Variants in PHF14 observed in about 807,000 individuals in gnomAD.
PHF14 encodes PHD finger protein 14.
PHF14 carries 55 observed loss-of-function variants against 117.9 expected under a neutral mutation model. The ratio of observed to expected loss-of-function variants is 0.47; its 90% CI spans 0.38 to 0.58. The LOEUF is 0.58. Among genes scored for constraint, PHF14 ranks in the 20% least tolerant of loss-of-function variants. PHF14 has a pLI of 0.00. For synonymous variants in PHF14, 409 were observed against 368.6 expected, an observed-to-expected ratio of 1.11 and a Z score of -1.26; for missense variants, 978 against 1,122.2, an observed-to-expected ratio of 0.87 and a Z score of 1.84.
At chr7:11,013,382 G>A (rs1452853833) in intron 4 of PHF14, among the ~76,000 whole-genome samples, 2 of 151,980 alleles carry the variant, frequency 1.3e-5, no homozygotes, top group African/African-American at 4.8e-5. Context: ...GGCTGGTCTC[G>A]AACTCCTCAC....
At chr7:11,018,121 G>C (rs1313039903) in intron 5 of PHF14, among the ~76,000 whole-genome samples, 2 of 152,066 alleles carry the variant, frequency 1.3e-5, no homozygotes, top group South Asian at 4.2e-4. Context: ...TTTGTTCTGT[G>C]TATTTGTTTT....
intron 16 of PHF14, among the ~76,000 whole-genome samples, chr7:11,099,014 T>C (rs1486430822): frequency 6.6e-6 from 1 of 152,194 alleles, no homozygotes; most frequent in African/African-American, 2.4e-5. Context: ...ATTTCAAAAA[T>C]GCTTTTCTAT....
At chr7:11,030,044 G>GAT (rs796098075) in intron 7 of PHF14, among the ~76,000 whole-genome samples, 17 of 151,788 alleles carry the variant, frequency 1.1e-4, no homozygotes, top group African/African-American at 4.1e-4. Flanking sequence ...AGCTGTTTTT[G>GAT]ATACATATAG....
chr7:11,109,615 T>TAA (rs1787376573), intron 16 of PHF14: 1 of 151,922 alleles, frequency 6.6e-6, no homozygotes, highest in Non-Finnish European at 1.5e-5. Context: ...TAATGAAAGG[T>TAA]AAATATGTTG....
At chr7:10,979,882 G>A (rs1051224808) in intron 2 of PHF14, among the ~76,000 whole-genome samples, 4 of 152,058 alleles carry the variant, frequency 2.6e-5, no homozygotes, top group Non-Finnish European at 4.4e-5. Context: ...TATATTTGGA[G>A]AATGAGGGGT....
intron 17 of PHF14, among the ~76,000 whole-genome samples, chr7:11,165,072 C>A (rs1789163163): frequency 6.6e-6 from 1 of 152,080 alleles, no homozygotes; most frequent in African/African-American, 2.4e-5. Context: ...CTATAGGCGC[C>A]CGCCACCACA....
chr7:11,103,419 A>C, intron 16 of PHF14: 1 of 981,892 alleles, frequency 1.0e-6, no homozygotes, highest in Non-Finnish European at 1.2e-6. Context: ...TACCAGCTGA[A>C]AGAAAGATCT....
chr7:11,023,992 C>T (rs1418426597), intron 6 of PHF14, among the ~76,000 whole-genome samples: 2 of 152,124 alleles, frequency 1.3e-5, no homozygotes, highest in Non-Finnish European at 2.9e-5. Flanking sequence ...AAAAGCTGGG[C>T]CTCTTCTGCC....
chr7:11,006,903 G>T, intron 4 of PHF14: 1 of 507,646 alleles, frequency 2.0e-6, no homozygotes, highest in Admixed American at 2.4e-5. Context: ...GTCCTGGCGC[G>T]GTGGCTCACA....
At chr7:11,009,672 C>T (rs996979744) in intron 4 of PHF14, among the ~76,000 whole-genome samples, 3 of 152,172 alleles carry the variant, frequency 2.0e-5, no homozygotes, top group African/African-American at 7.2e-5. Context: ...GTAAACCCAA[C>T]AGGTATGACA....
intron 5 of PHF14, among the ~76,000 whole-genome samples, chr7:11,017,823 C>T (rs1015335296): frequency 3.3e-5 from 5 of 152,030 alleles, no homozygotes; most frequent in South Asian, 2.1e-4. Context: ...TGTGGAGTTT[C>T]GCTCAAGAAA....
chr7:11,072,892 C>G (rs1050611749), intron 16 of PHF14, among the ~76,000 whole-genome samples: 7 of 152,220 alleles, frequency 4.6e-5, no homozygotes, highest in African/African-American at 1.7e-4. Context: ...AGGTGTCAGG[C>G]TCCTTTAAAC....
chr7:11,028,912 T>A, intron 7 of PHF14, 94 bp downstream of exon 7: 1 of 1,043,284 alleles, frequency 9.6e-7, no homozygotes, highest in Non-Finnish European at 1.4e-6. Context: ...AAAGAAATTT[T>A]AACATTTATT....
At chr7:11,048,729 T>C (rs972724704) in intron 13 of PHF14, among the ~76,000 whole-genome samples, 1 of 152,108 alleles carries the variant, frequency 6.6e-6, no homozygotes, top group African/African-American at 2.4e-5. Context: ...CTATAGTGTT[T>C]AATAGATTGT....
chr7:11,119,241 T>C (rs1032316564), intron 17 of PHF14, among the ~76,000 whole-genome samples: 9 of 151,884 alleles, frequency 5.9e-5, no homozygotes, highest in Non-Finnish European at 1.2e-4. Flanking sequence ...TTTGTGTGTT[T>C]TTATTTTTTG....
intron 16 of PHF14, among the ~76,000 whole-genome samples, chr7:11,080,110 T>G (rs1471860174): frequency 2.6e-5 from 4 of 152,140 alleles, no homozygotes; most frequent in Non-Finnish European, 5.9e-5. Context: ...TCAAAGTTTA[T>G]TTGCACCTGT....
At chr7:11,103,491 T>C in intron 16 of PHF14, 1 of 984,362 alleles carries the variant, frequency 1.0e-6, no homozygotes, top group Non-Finnish European at 1.2e-6. Context: ...CAAGCTTTAA[T>C]GATCCAGTTT....
Position 11,122,352 on chromosome 7 carries a change from T to TATATATATATATATACACACACACAC in PHF14, c.2772+10886_2772+10887insTATATATATATATACACACACACACA. ...CTTTTTATATATATATATATATATA[T>TATATATATATATATACACACACACAC]ACACACACACACACACACACACACA... On this transcript the variant is annotated intron_variant, in intron 17 of 17. Transcript: ENST00000634607. Among the ~76,000 whole-genome samples the TATATATATATATATACACACACACAC allele has an allele frequency of 3.5e-4, 23 of 65,850 alleles. 1 individual carries two copies. Among genetic ancestry groups the TATATATATATATATACACACACACAC allele is most frequent in the South Asian group, 2.5e-3 (5 of 1,968 alleles). The allele number at this position is 65,850 out of a possible 152,430, so 43.2% of individuals were successfully genotyped here.
intron 17 of PHF14, among the ~76,000 whole-genome samples, chr7:11,147,838 G>A (rs1788590796): frequency 6.6e-6 from 1 of 151,974 alleles, no homozygotes; most frequent in African/African-American, 2.4e-5. Context: ...CTTCTTCCAA[G>A]ATCTAAATTC....
Sources: gnomAD v4.1 joint callset for allele counts (sites outside exome capture counted in the v4.1 genomes callset) on GRCh38, gnomAD v4.1.1 for gene constraint, MANE v1.5 for transcripts, NCBI Gene and HGNC (gene_info 2026-07-23, HGNC 2026-07-21) for gene names.